The following PPP2R3A variants were observed in gnomAD, a reference collection of about 807,000 sequenced individuals.
The protein encoded by PPP2R3A is protein phosphatase 2 regulatory subunit B''alpha.
In PPP2R3A, 80 loss-of-function variants were observed where a neutral mutation model predicts 106.9. The observed-to-expected ratio is 0.75, with a 90% CI of 0.62 to 0.90. The LOEUF is 0.90. Among genes scored for constraint, PPP2R3A ranks in the 40% least tolerant of loss-of-function variants. PPP2R3A has a pLI of 0.00. For missense variants in PPP2R3A, 1,386 were observed against 1,350.4 expected, an observed-to-expected ratio of 1.03 and a Z score of -0.41; for synonymous variants, 483 against 468.3, an observed-to-expected ratio of 1.03 and a Z score of -0.41.
At chr3:136,129,812 C>T (rs1430340784) in intron 13 of PPP2R3A, among the ~76,000 whole-genome samples, 2 of 152,158 alleles carry the variant, frequency 1.3e-5, no homozygotes, top group African/African-American at 4.8e-5. Context: ...AAAGCTTATC[C>T]ACTATGATCA....
chr3:136,104,586 G>T (rs183079834), intron 12 of PPP2R3A, among the ~76,000 whole-genome samples: 2 of 152,148 alleles, frequency 1.3e-5, no homozygotes, highest in Admixed American at 1.3e-4. Flanking sequence ...GATTACAGGC[G>T]TGAGCTGGCT....
chr3:135,982,660 G>T (rs961231638), intron 1 of PPP2R3A, among the ~76,000 whole-genome samples: 5 of 152,090 alleles, frequency 3.3e-5, no homozygotes, highest in African/African-American at 1.2e-4. Flanking sequence ...GTCAACCTCT[G>T]TACCCCTTCT....
At chr3:136,077,504 C>T (rs1243306703) in intron 6 of PPP2R3A, among the ~76,000 whole-genome samples, 1 of 140,046 alleles carries the variant, frequency 7.1e-6, no homozygotes, top group South Asian at 2.7e-4. Flanking sequence ...TGCACCCCCC[C>T]ACCCACCCAA....
At chr3:135,967,415 C>A (rs909563521) in intron 1 of PPP2R3A, among the ~76,000 whole-genome samples, 4 of 152,150 alleles carry the variant, frequency 2.6e-5, no homozygotes, top group Non-Finnish European at 4.4e-5. Context: ...TGTAGCTTAA[C>A]ATTCTGGAGA....
At chr3:136,105,570 T>A (rs1937494524) in intron 12 of PPP2R3A, among the ~76,000 whole-genome samples, 1 of 152,022 alleles carries the variant, frequency 6.6e-6, no homozygotes. Context: ...GGCAGGAGAA[T>A]CACTTGAGCC....
chr3:136,046,595 C>T (rs1449170297), intron 4 of PPP2R3A, among the ~76,000 whole-genome samples: 1 of 152,158 alleles, frequency 6.6e-6, no homozygotes, highest in Non-Finnish European at 1.5e-5. Context: ...AACAAAAAAG[C>T]TCCATCCAAA....
intron 5 of PPP2R3A, among the ~76,000 whole-genome samples, chr3:136,050,994 G>C (rs1226191228): frequency 6.6e-6 from 1 of 152,158 alleles, no homozygotes; most frequent in Non-Finnish European, 1.5e-5. Flanking sequence ...ATGTCTAACA[G>C]AAAGAGCCCA....
At chr3:136,115,509 G>T (rs575370065) in intron 13 of PPP2R3A, among the ~76,000 whole-genome samples, 75 of 151,984 alleles carry the variant, frequency 4.9e-4, no homozygotes, top group Non-Finnish European at 3.2e-4. Flanking sequence ...TTAAAAAAGG[G>T]TAGATGAATT....
At chr3:136,045,086 T>C (rs1935426601) in intron 4 of PPP2R3A, among the ~76,000 whole-genome samples, 1 of 152,180 alleles carries the variant, frequency 6.6e-6, no homozygotes, top group Non-Finnish European at 1.5e-5. Context: ...AGCAGGGCTG[T>C]CTTTCCCACA....
intron 1 of PPP2R3A, among the ~76,000 whole-genome samples, chr3:135,980,659 C>G (rs1170487833): frequency 6.6e-6 from 1 of 151,782 alleles, no homozygotes; most frequent in Non-Finnish European, 1.5e-5. Flanking sequence ...TGTATAGACT[C>G]CTATACATTG....
At chr3:136,083,385 A>G (rs1936839366) in intron 8 of PPP2R3A, among the ~76,000 whole-genome samples, 3 of 152,058 alleles carry the variant, frequency 2.0e-5, no homozygotes, top group Non-Finnish European at 4.4e-5. Context: ...TATAAAGGGG[A>G]GTTCCTCTGC....
intron 13 of PPP2R3A, among the ~76,000 whole-genome samples, chr3:136,127,954 A>G (rs1938246481): frequency 6.6e-6 from 1 of 152,216 alleles, no homozygotes; most frequent in Non-Finnish European, 1.5e-5. Flanking sequence ...TTTACAGCCA[A>G]GCAAATGCTG....
At position 136,102,311 on chromosome 3, in the gene PPP2R3A, T is replaced by C. The variant is rs376416886; in HGVS notation, c.3103+129T>C. On this transcript the variant is annotated intron_variant, in intron 11 of 13. Coordinates refer to ENST00000264977, the MANE Select transcript of PPP2R3A (RefSeq NM_002718.5). ...GAAGACTTCCTAGGACAGAAGTGTT[T>C]AAAGTTTCTCCTTGACTATTAGTGT... 2.0e-5 allele frequency: 20 copies of C among 1,003,030 alleles called. No individual in the cohort carries two copies. In the East Asian group the frequency reaches 2.2e-4, roughly 11 times the overall value. The allele number at this position is 1,003,030 out of a possible 1,614,324, so 62.1% of individuals were successfully genotyped here. A position where few individuals can be genotyped will look rare whatever the true frequency, so the allele number is the denominator to read the frequency against.
At chr3:135,995,300 T>A (rs1178279745) in intron 1 of PPP2R3A, among the ~76,000 whole-genome samples, 1 of 152,112 alleles carries the variant, frequency 6.6e-6, no homozygotes, top group Non-Finnish European at 1.5e-5. Flanking sequence ...AGACTGAAAA[T>A]TTTTCTCATA....
intron 13 of PPP2R3A, among the ~76,000 whole-genome samples, chr3:136,113,028 G>A (rs565940161): frequency 6.6e-6 from 1 of 152,156 alleles, no homozygotes; most frequent in Admixed American, 6.5e-5. Flanking sequence ...AGCTACTCGG[G>A]AGGCTGAGGC....
At chr3:136,100,965 C>T (rs1034953574) in intron 10 of PPP2R3A, among the ~76,000 whole-genome samples, 1 of 152,194 alleles carries the variant, frequency 6.6e-6, no homozygotes, top group African/African-American at 2.4e-5. Flanking sequence ...ACCTGCCATG[C>T]TCTTTCATTC....
At chr3:136,118,223 C>A (rs942742329) in intron 13 of PPP2R3A, among the ~76,000 whole-genome samples, 1 of 152,084 alleles carries the variant, frequency 6.6e-6, no homozygotes, top group South Asian at 2.1e-4. Context: ...TGATGGAACA[C>A]AGTCTCAAAA....
chr3:136,019,083 C>T (rs1441314345), intron 2 of PPP2R3A, among the ~76,000 whole-genome samples: 1 of 152,158 alleles, frequency 6.6e-6, no homozygotes, highest in East Asian at 1.9e-4. Context: ...GCACATGGTC[C>T]AGATAGGACT....
chr3:136,108,123 G>A (rs1271815086), intron 13 of PPP2R3A, among the ~76,000 whole-genome samples: 1 of 152,110 alleles, frequency 6.6e-6, no homozygotes, highest in African/African-American at 2.4e-5. Flanking sequence ...TGAGGTGGGA[G>A]GATCACTTGA....
Sources: gnomAD v4.1 joint callset for allele counts (sites outside exome capture counted in the v4.1 genomes callset) on GRCh38, gnomAD v4.1.1 for gene constraint, MANE v1.5 for transcripts, NCBI Gene and HGNC (gene_info 2026-07-23, HGNC 2026-07-21) for gene names.